EHBP1: variants seen among roughly 807,000 people sequenced by gnomAD.
EHBP1 encodes the protein EH domain binding protein 1.
EHBP1 carries 55 observed loss-of-function variants against 144.0 expected under a neutral mutation model. The observed-to-expected ratio is 0.38, with a 90% confidence interval of 0.31 to 0.48. EHBP1 has a LOEUF of 0.48. Ranked by LOEUF, EHBP1 falls within the 20% of genes least tolerant of loss-of-function variation. The pLI, the probability that EHBP1 is intolerant of heterozygous loss-of-function variation, is 0.98. For synonymous variants in EHBP1, 469 were observed against 472.7 expected (o/e 0.99, Z 0.10); for missense variants, 1,200 against 1,364.2 (o/e 0.88, Z 1.90).
chr2:62,961,891 T>C (rs1043009402), intron 14 of EHBP1, among the ~76,000 whole-genome samples: 5 of 151,978 alleles, frequency 3.3e-5, no homozygotes, highest in African/African-American at 9.7e-5. Flanking sequence ...TAGTCAGGCA[T>C]GACAGCACCG....
At chr2:62,836,857 G>C (rs2047303861) in intron 7 of EHBP1, among the ~76,000 whole-genome samples, 1 of 151,654 alleles carries the variant, frequency 6.6e-6, no homozygotes, top group East Asian at 1.9e-4. Context: ...CCAAATGTAT[G>C]TCTGATTGGT....
At chr2:62,742,277 C>T (rs2038784903) in intron 2 of EHBP1, among the ~76,000 whole-genome samples, 1 of 152,076 alleles carries the variant, frequency 6.6e-6, no homozygotes, top group Non-Finnish European at 1.5e-5. Context: ...AGGTTATATG[C>T]AAATACTGCA....
At chr2:63,002,964 C>G (rs1412715936) in intron 19 of EHBP1, among the ~76,000 whole-genome samples, 1 of 151,986 alleles carries the variant, frequency 6.6e-6, no homozygotes, top group Non-Finnish European at 1.5e-5. Flanking sequence ...GTATCTTTCT[C>G]TGATTTACTT....
chr2:62,807,557 C>G (rs774347185), intron 5 of EHBP1, among the ~76,000 whole-genome samples: 36 of 151,930 alleles, frequency 2.4e-4, no homozygotes, highest in Non-Finnish European at 4.3e-4. Flanking sequence ...TCAAAAAAAA[C>G]AAAAAAAGAA....
intron 5 of EHBP1, among the ~76,000 whole-genome samples, chr2:62,776,638 T>C (rs2042071966): frequency 6.6e-6 from 1 of 152,204 alleles, no homozygotes; most frequent in Non-Finnish European, 1.5e-5. Flanking sequence ...TGGACTAAAC[T>C]TAAAATATTT....
chr2:62,767,828 TCTGTC>T, intron 4 of EHBP1, among the ~76,000 whole-genome samples: 1 of 122,002 alleles, frequency 8.2e-6, no homozygotes, highest in African/African-American at 2.9e-5. Context: ...AGAGCAAGAC[TCTGTC>T]AAAAAAAAAA....
At chr2:62,988,622 A>T (rs2059291932) in intron 15 of EHBP1, among the ~76,000 whole-genome samples, 1 of 152,166 alleles carries the variant, frequency 6.6e-6, no homozygotes, top group South Asian at 2.1e-4. Context: ...GTAAGTTCTT[A>T]TTTAAAATAC....
intron 4 of EHBP1, among the ~76,000 whole-genome samples, chr2:62,766,529 A>G (rs1456974585): frequency 6.6e-6 from 1 of 152,134 alleles, no homozygotes; most frequent in Admixed American, 6.6e-5. Flanking sequence ...TACTTTATCG[A>G]GATAATCTCT....
intron 3 of EHBP1, among the ~76,000 whole-genome samples, chr2:62,752,369 T>A (rs990979640): frequency 6.6e-6 from 1 of 152,244 alleles, no homozygotes; most frequent in Non-Finnish European, 1.5e-5. Flanking sequence ...TCTGTTCTTT[T>A]ACATTTGCTG....
chr2:62,846,880 A>G (rs528453191), intron 7 of EHBP1, among the ~76,000 whole-genome samples: 1 of 152,358 alleles, frequency 6.6e-6, no homozygotes, highest in African/African-American at 2.4e-5. Flanking sequence ...TAGAAGATAC[A>G]GTATTGTTAA....
chr2:62,896,780 C>T (rs2052975241), intron 10 of EHBP1, among the ~76,000 whole-genome samples: 1 of 151,980 alleles, frequency 6.6e-6, no homozygotes, highest in African/African-American at 2.4e-5. Context: ...GTCTGTACTC[C>T]TCATCTCTAG....
At chr2:63,042,902 G>C (rs779785160) in intron 21 of EHBP1, among the ~76,000 whole-genome samples, 1 of 151,614 alleles carries the variant, frequency 6.6e-6, no homozygotes, top group African/African-American at 2.4e-5. Flanking sequence ...TTCTATTTTT[G>C]AAAATGTATT....
chr2:62,757,697 G>A (rs2040426226), intron 3 of EHBP1, among the ~76,000 whole-genome samples: 1 of 151,926 alleles, frequency 6.6e-6, no homozygotes, highest in African/African-American at 2.4e-5. Context: ...GCCTTCCAAA[G>A]TGCTGGGATT....
chr2:62,787,795 G>C (rs959641528), intron 5 of EHBP1, among the ~76,000 whole-genome samples: 2 of 152,148 alleles, frequency 1.3e-5, no homozygotes, highest in African/African-American at 2.4e-5. Context: ...GTTAATCCCT[G>C]GGTAGAATTA....
At chr2:62,766,272 A>C (rs941550183) in intron 4 of EHBP1, among the ~76,000 whole-genome samples, 3 of 152,194 alleles carry the variant, frequency 2.0e-5, no homozygotes, top group South Asian at 2.1e-4. Flanking sequence ...ATCTGTGTAC[A>C]AGATTGAATG....
chr2:62,830,638 CT>C (rs2046763203), intron 6 of EHBP1, among the ~76,000 whole-genome samples: 1 of 152,128 alleles, frequency 6.6e-6, no homozygotes, highest in African/African-American at 2.4e-5. Context: ...TGTGCAGAAG[CT>C]TTTTAGTTTA....
At chr2:63,007,205 T>G (rs1482802775) in intron 19 of EHBP1, among the ~76,000 whole-genome samples, 1 of 151,888 alleles carries the variant, frequency 6.6e-6, no homozygotes, top group Admixed American at 6.6e-5. Flanking sequence ...CTTTCAGCAG[T>G]AAGGGAAGAA....
chr2:62,842,980 T>C (rs940686186), intron 7 of EHBP1, among the ~76,000 whole-genome samples: 1 of 152,218 alleles, frequency 6.6e-6, no homozygotes, highest in African/African-American at 2.4e-5. Flanking sequence ...ATTTCATAGC[T>C]AAACCCTTGT....
At chr2:63,019,946 TG>T (rs2060656439) in intron 19 of EHBP1, among the ~76,000 whole-genome samples, 1 of 151,256 alleles carries the variant, frequency 6.6e-6, no homozygotes, top group African/African-American at 2.4e-5. Flanking sequence ...TCTAGCACTT[TG>T]GGAGGCCGAG....
Sources: allele counts gnomAD v4.1 joint callset (sites outside exome capture counted in the v4.1 genomes callset), GRCh38; gene constraint gnomAD v4.1.1; transcripts MANE v1.5; gene names NCBI Gene and HGNC (gene_info 2026-07-23, HGNC 2026-07-21).